CCDC7: variants seen among roughly 807,000 people sequenced by gnomAD.
CCDC7 encodes the protein coiled-coil domain-containing protein 7.
In CCDC7, 183 loss-of-function variants were observed where a neutral mutation model predicts 196.9. The ratio of observed to expected loss-of-function variants is 0.93; its 90% CI spans 0.82 to 1.05. The LOEUF (loss-of-function observed/expected upper bound fraction) is 1.05. Among genes scored for constraint, CCDC7 ranks in the 50% least tolerant of loss-of-function variants. The pLI is 0.00. For synonymous variants in CCDC7, 525 were observed against 484.6 expected (o/e 1.08, Z -1.10); for missense variants, 1,540 against 1,482.2 (o/e 1.04, Z -0.64).
At chr10:32,567,561 T>C in intron 14 of CCDC7, 109 bp from the exon 16 acceptor site, 1 of 1,271,172 alleles carries the variant, frequency 7.9e-7, no homozygotes, top group Non-Finnish European at 1.1e-6. Context: ...TCAGTAAAAA[T>C]GAGTTGAGAA....
intron 28 of CCDC7, among the ~76,000 whole-genome samples, chr10:32,777,826 T>C (rs1453004301): frequency 2.0e-5 from 3 of 152,220 alleles, no homozygotes; most frequent in Non-Finnish European, 4.4e-5. Context: ...ATCGTGCCAC[T>C]GCACTCCAGC....
chr10:32,498,030 G>A (rs1292825677), intron 9 of CCDC7, among the ~76,000 whole-genome samples: 3 of 152,138 alleles, frequency 2.0e-5, no homozygotes, highest in Non-Finnish European at 2.9e-5. Context: ...GGGAGTCTAA[G>A]TCTCTTTGTA....
At chr10:32,574,557 C>T (rs1366003694) in intron 16 of CCDC7, 1 of 1,282,940 alleles carries the variant, frequency 7.8e-7, no homozygotes, top group Non-Finnish European at 1.0e-6. Context: ...CATTTTTGCT[C>T]TTTACAACAT....
At position 32,633,313 on chromosome 10, in the gene CCDC7, CATG is replaced by C. The variant is rs760998349; in HGVS notation, c.1802-940_1802-938del. The stretch of plus-strand genomic sequence containing the variant: ...AACATATTTAGAAATGAGGAATTCT[CATG>C]GACATCTTCAATTCCAGTTTATCCT... On this transcript the variant is annotated intron_variant, in intron 18 of 41. Transcript: ENST00000639629. Among the ~76,000 whole-genome samples the C allele has an allele frequency of 6.9e-4, 105 of 152,316 alleles. 1 individual carries two copies. The Middle Eastern group carries it at 0.014, about 20-fold the overall frequency.
intron 3 of CCDC7, among the ~76,000 whole-genome samples, chr10:32,458,401 C>T (rs948057717): frequency 6.6e-6 from 1 of 150,986 alleles, no homozygotes; most frequent in African/African-American, 2.4e-5. Flanking sequence ...GTTTTTGTGC[C>T]AGTACCATGC....
chr10:32,764,324 A>G lies in CCDC7; in HGVS notation c.2906-14653A>G, dbSNP rs966458043. Among the ~76,000 whole-genome samples, 5 of 151,918 alleles carry G rather than the reference A, an allele frequency of 3.3e-5. No individual in the cohort carries two copies. In the East Asian group the frequency reaches 5.8e-4, roughly 18 times the overall value. On this transcript the variant is annotated intron_variant, in intron 28 of 41. Transcript: ENST00000639629. ...GTGCACTGCATTCCAAAAAAACTAC[A>G]TAATTTTTCTAATTTATTTAGACAG...
At chr10:32,686,883 C>T (rs2076524782) in intron 22 of CCDC7, among the ~76,000 whole-genome samples, 1 of 152,176 alleles carries the variant, frequency 6.6e-6, no homozygotes, top group Non-Finnish European at 1.5e-5. Flanking sequence ...AGTAGGGAGT[C>T]ATCAACGTCG....
chr10:32,871,595 T>G (rs1201073150), intron 41 of CCDC7, among the ~76,000 whole-genome samples: 4 of 151,788 alleles, frequency 2.6e-5, no homozygotes, highest in Non-Finnish European at 5.9e-5. Flanking sequence ...TGTGTCTCTA[T>G]TTCCTTCAAT....
intron 18 of CCDC7, among the ~76,000 whole-genome samples, chr10:32,613,167 G>C (rs2062378123): frequency 6.6e-6 from 1 of 151,982 alleles, no homozygotes. Flanking sequence ...TATGTGTCCA[G>C]GAATTTATCC....
intron 9 of CCDC7, among the ~76,000 whole-genome samples, chr10:32,500,334 G>A (rs2043746757): frequency 6.6e-6 from 1 of 152,020 alleles, no homozygotes; most frequent in Admixed American, 6.5e-5. Flanking sequence ...CTCGGACGGG[G>A]CGGCCGGTCA....
At chr10:32,539,605 G>A (rs72795535) in intron 11 of CCDC7, among the ~76,000 whole-genome samples, 6,929 of 151,922 alleles carry the variant, frequency 0.046, 215 homozygotes, top group Non-Finnish European at 0.073. Context: ...GTGATGTTAG[G>A]TTGTTAATTT....
At chr10:32,662,462 C>T (rs959687509) in intron 20 of CCDC7, among the ~76,000 whole-genome samples, 12 of 152,124 alleles carry the variant, frequency 7.9e-5, no homozygotes, top group South Asian at 4.1e-4. Context: ...TCCAGGATAG[C>T]GCTTTTATTA....
chr10:32,851,022 C>T (rs1166795773), intron 39 of CCDC7, among the ~76,000 whole-genome samples: 5 of 152,056 alleles, frequency 3.3e-5, no homozygotes, highest in African/African-American at 4.8e-5. Context: ...TGGAGGATAC[C>T]AGAATGGAAT....
chr10:32,475,733 C>T (rs760129846), intron 8 of CCDC7, among the ~76,000 whole-genome samples: 7 of 152,252 alleles, frequency 4.6e-5, no homozygotes, highest in Non-Finnish European at 8.8e-5. Flanking sequence ...TACCTCCTGT[C>T]TTCTTCTCTG....
upstream of CCDC7, among the ~76,000 whole-genome samples, chr10:32,450,192 C>G (rs989966012): frequency 1.3e-5 from 2 of 152,120 alleles, no homozygotes; most frequent in Non-Finnish European, 2.9e-5. Context: ...AGGGAAGAAT[C>G]TTTCATTGGT....
At chr10:32,554,902 A>G (rs535825489) in intron 13 of CCDC7, among the ~76,000 whole-genome samples, 3 of 152,120 alleles carry the variant, frequency 2.0e-5, no homozygotes, top group Non-Finnish European at 1.5e-5. Flanking sequence ...TCTGCGCTCT[A>G]TCTCCATGAG....
intron 21 of CCDC7, among the ~76,000 whole-genome samples, chr10:32,677,399 C>T (rs1191699943): frequency 6.6e-6 from 1 of 151,748 alleles, no homozygotes. Context: ...TTTATCACTC[C>T]TTGTAAGGCT....
chr10:32,657,647 G>C (rs1030124843), intron 20 of CCDC7, among the ~76,000 whole-genome samples: 1 of 152,186 alleles, frequency 6.6e-6, no homozygotes, highest in African/African-American at 2.4e-5. Context: ...AGGCCTCTGG[G>C]CCTGTGATGG....
At chr10:32,875,495 G>A (rs2094573297) in intron 41 of CCDC7, among the ~76,000 whole-genome samples, 1 of 151,814 alleles carries the variant, frequency 6.6e-6, no homozygotes, top group African/African-American at 2.4e-5. Flanking sequence ...TGGTCGGTGT[G>A]TCTGTTTTTG....
Sources: gnomAD v4.1 joint callset for allele counts (sites outside exome capture counted in the v4.1 genomes callset) on GRCh38, gnomAD v4.1.1 for gene constraint, MANE v1.5 for transcripts, NCBI Gene and HGNC (gene_info 2026-07-23, HGNC 2026-07-21) for gene names.